Variants in PCNX2 observed in about 807,000 individuals in gnomAD.
PCNX2 encodes pecanex 2.
PCNX2 carries 168 observed loss-of-function variants against 223.8 expected under a neutral mutation model. That is an observed-to-expected ratio of 0.75 (90% CI 0.66 to 0.85). The LOEUF (loss-of-function observed/expected upper bound fraction) is 0.85, where lower values mean the gene tolerates loss of function less well. Among genes scored for constraint, PCNX2 ranks in the 40% least tolerant of loss-of-function variants. The pLI is 0.00. For synonymous variants in PCNX2, 1,006 were observed against 1,052.6 expected, an observed-to-expected ratio of 0.96 and a Z score of 0.86; for missense variants, 2,507 against 2,675.5, an observed-to-expected ratio of 0.94 and a Z score of 1.39.
chr1:233,054,654 A>G, intron 24 of PCNX2, 171 bp from the exon 25 acceptor site: 2 of 575,462 alleles, frequency 3.5e-6, no homozygotes, highest in South Asian at 4.8e-5. Flanking sequence ...AGACCCTCCA[A>G]TTTTTTCCCT....
At chr1:233,290,494 T>C (rs948577541) in intron 1 of PCNX2, among the ~76,000 whole-genome samples, 1 of 152,196 alleles carries the variant, frequency 6.6e-6, no homozygotes, top group African/African-American at 2.4e-5. Flanking sequence ...TGTTGTATGT[T>C]TTAAACTTTT....
chr1:233,026,974 A>G (rs888723090), intron 25 of PCNX2, among the ~76,000 whole-genome samples: 1 of 152,226 alleles, frequency 6.6e-6, no homozygotes, highest in Non-Finnish European at 1.5e-5. Flanking sequence ...CAAATCACCT[A>G]TATGCTAATA....
At chr1:233,208,466 A>G in intron 13 of PCNX2, 52 bp downstream of exon 13, 1 of 1,530,820 alleles carries the variant, frequency 6.5e-7, no homozygotes, top group East Asian at 2.3e-5. Flanking sequence ...GACAAAGGGG[A>G]GACATACCCC....
chr1:233,019,089 T>G (rs899303318), intron 26 of PCNX2: 31 of 981,166 alleles, frequency 3.2e-5, no homozygotes, highest in African/African-American at 5.4e-5. Flanking sequence ...GTTTCAAGGG[T>G]TTTTTTTTAG....
Position 233,199,020 on chromosome 1 carries a change from C to T in PCNX2, c.2985G>A (p.Gly995=), listed in dbSNP as rs1249139839. ...MLFFGGSAVS[G]ITSAVYSVAR... Reference sequence around the variant, plus strand: ...CCACACTGTAAACAGCCGAGGTTATCCCAGACACAGCTGGAACACAAACAT... The same window carrying T: ...CCACACTGTAAACAGCCGAGGTTATTCCAGACACAGCTGGAACACAAACAT... Residue 995 remains glycine (G), a synonymous_variant, in exon 15 of 34, where the codon GGG becomes GGA. Coordinates refer to ENST00000258229, the MANE Select transcript of PCNX2 (RefSeq NM_014801.4). 6.3e-7 allele frequency: 1 copy of T among 1,592,458 alleles called. No individual in the cohort carries two copies. Among genetic ancestry groups the T allele is most frequent in the Non-Finnish European group, 8.5e-7 (1 of 1,169,984 alleles).
At chr1:233,266,616 C>T (rs979741273) in intron 1 of PCNX2, among the ~76,000 whole-genome samples, 3 of 152,162 alleles carry the variant, frequency 2.0e-5, no homozygotes, top group Non-Finnish European at 1.5e-5. Flanking sequence ...GGAAGGGATT[C>T]GCCATAGATG....
intron 19 of PCNX2, among the ~76,000 whole-genome samples, chr1:233,146,577 G>T (rs2477863): frequency 0.17 from 26,574 of 152,078 alleles, 2,417 homozygotes; most frequent in Admixed American, 0.22. Flanking sequence ...ATGCAATTCA[G>T]CCTGCTTATA....
intron 21 of PCNX2, among the ~76,000 whole-genome samples, chr1:233,107,760 G>A (rs1350527318): frequency 2.0e-5 from 3 of 152,030 alleles, no homozygotes; most frequent in Non-Finnish European, 2.9e-5. Context: ...TCAGAGGCAC[G>A]TAAACCAGAA....
At chr1:233,169,961 A>C (rs1679054406) in intron 17 of PCNX2, among the ~76,000 whole-genome samples, 1 of 152,010 alleles carries the variant, frequency 6.6e-6, no homozygotes. Context: ...AATATATTGT[A>C]CCATACTATA....
intron 19 of PCNX2, among the ~76,000 whole-genome samples, chr1:233,148,108 C>T (rs1230786220): frequency 6.6e-6 from 1 of 152,124 alleles, no homozygotes; most frequent in Non-Finnish European, 1.5e-5. Context: ...TAAAAACTAC[C>T]ACTGCTTTCC....
At chr1:233,209,596 G>A (rs982757931) in intron 12 of PCNX2, among the ~76,000 whole-genome samples, 13 of 152,272 alleles carry the variant, frequency 8.5e-5, no homozygotes, top group African/African-American at 2.2e-4. Context: ...CCTTGAACAC[G>A]TTATATTTAG....
At chr1:233,222,687 G>A (rs1274943157) in intron 10 of PCNX2, among the ~76,000 whole-genome samples, 4 of 152,284 alleles carry the variant, frequency 2.6e-5, no homozygotes, top group South Asian at 2.1e-4. Context: ...AAGGAACAGC[G>A]AAAATAACTT....
At chr1:233,247,268 G>A (rs1267663212) in intron 8 of PCNX2, among the ~76,000 whole-genome samples, 1 of 152,196 alleles carries the variant, frequency 6.6e-6, no homozygotes, top group African/African-American at 2.4e-5. Flanking sequence ...GCATCTGACA[G>A]GAAGCACTGT....
In PCNX2 at chr1:232,988,098, A is replaced by T. The variant is rs542073357; in HGVS notation, c.5792-1558T>A. Among the ~76,000 whole-genome samples the T allele has an allele frequency of 2.0e-5, 3 of 152,340 alleles. No homozygotes were observed. The South Asian group carries it at 6.2e-4, about 32-fold the overall frequency. The stretch of plus-strand genomic sequence containing the variant: ...TCTTACAGAGAAAAAGGAGAGGAGG[A>T]AAGGGACCCTGATGAATCAGAATGA... On this transcript the variant is annotated intron_variant, in intron 32 of 33. Transcript: ENST00000258229.
intron 10 of PCNX2, among the ~76,000 whole-genome samples, chr1:233,226,878 G>C (rs1657760125): frequency 6.6e-6 from 1 of 152,080 alleles, no homozygotes. Flanking sequence ...CACAAAAATA[G>C]GGCAAGACGT....
rs573017483 is a variant in PCNX2 at position 233,199,196 on chromosome 1, C to T, written c.2975-166G>A. Among the ~76,000 whole-genome samples, 19 of 152,090 alleles carry T rather than the reference C, an allele frequency of 1.2e-4. No homozygotes were observed. The East Asian group carries it at 3.5e-3, about 28-fold the overall frequency. ...AAAGGCACTGGGTGACTCACAGGTG[C>T]AAGAAAGAGACTACCATTAACTAAA... On this transcript the variant is annotated intron_variant, in intron 14 of 33. Transcript: ENST00000258229.
At chr1:233,053,373 C>G (rs1336587460) in intron 25 of PCNX2, among the ~76,000 whole-genome samples, 3 of 152,138 alleles carry the variant, frequency 2.0e-5, no homozygotes, top group Non-Finnish European at 4.4e-5. Context: ...CCTCGACCAT[C>G]CCATTGAATG....
At position 233,283,628 on chromosome 1, in the gene PCNX2, C is replaced by T. The variant is rs369560935; in HGVS notation, c.153+11698G>A. Among the ~76,000 whole-genome samples the T allele has an allele frequency of 4.7e-4, 72 of 152,020 alleles. No individual in the cohort carries two copies. The South Asian group carries it at 0.01, about 21-fold the overall frequency. On this transcript the variant is annotated intron_variant, in intron 1 of 33. Coordinates refer to ENST00000258229, the MANE Select transcript of PCNX2 (RefSeq NM_014801.4). ...ATGATGATAGGAATAGATTATACTC[C>T]CATTGAATTAAAAAATGAATTTGTG...
intron 1 of PCNX2, among the ~76,000 whole-genome samples, chr1:233,275,979 C>T (rs1417776290): frequency 1.3e-5 from 2 of 151,670 alleles, no homozygotes; most frequent in Non-Finnish European, 2.9e-5. Flanking sequence ...TGCAGTGAGC[C>T]CAGGTCGTGT....
Sources: allele counts gnomAD v4.1 joint callset (sites outside exome capture counted in the v4.1 genomes callset), GRCh38; gene constraint gnomAD v4.1.1; transcripts MANE v1.5; gene names NCBI Gene and HGNC (gene_info 2026-07-23, HGNC 2026-07-21).